HCN1: variants seen among roughly 807,000 people sequenced by gnomAD.
HCN1 encodes potassium/sodium hyperpolarization-activated cyclic nucleotide-gated channel 1.
A neutral mutation model predicts 78.9 loss-of-function variants in HCN1; 13 were observed. That is an observed-to-expected ratio of 0.16 (90% CI 0.11 to 0.26). HCN1 has a LOEUF of 0.26. Ranked by LOEUF, HCN1 falls within the 10% of genes least tolerant of loss-of-function variation. The probability of loss-of-function intolerance (pLI) is 1.00; values close to 1 mark genes in which losing one functional copy is unlikely to be tolerated. For synonymous variants in HCN1, 552 were observed against 455.5 expected (o/e 1.21, Z -2.70); for missense variants, 810 against 1,154.3 (o/e 0.70, Z 4.32).
chr5:45,615,138 T>C (rs959918192), intron 2 of HCN1, among the ~76,000 whole-genome samples: 14 of 152,042 alleles, frequency 9.2e-5, no homozygotes, highest in Admixed American at 9.2e-4. Flanking sequence ...CTAAGCAAGA[T>C]GATATAAATA....
At chr5:45,512,453 T>C (rs1200692533) in intron 2 of HCN1, among the ~76,000 whole-genome samples, 1 of 152,118 alleles carries the variant, frequency 6.6e-6, no homozygotes, top group East Asian at 1.9e-4. Flanking sequence ...AGGGCTACTT[T>C]CCAGACCTAA....
chr5:45,404,182 AC>A (rs759703281), intron 3 of HCN1, among the ~76,000 whole-genome samples: 43 of 152,284 alleles, frequency 2.8e-4, no homozygotes, highest in South Asian at 1.2e-3. Flanking sequence ...TTCTTGTGTT[AC>A]ATGGCTATTC....
chr5:45,348,033 T>C lies in HCN1; in HGVS notation c.1377+5067A>G, dbSNP rs962447588. Among the ~76,000 whole-genome samples the C allele has an allele frequency of 3.9e-5, 6 of 152,116 alleles. No homozygotes were observed. The East Asian group carries it at 7.7e-4, about 20-fold the overall frequency. ...CAGAGAACGCCACAAAGATACTCCT[T>C]GAGAAGAGCAACTCCAAGACACATA... On this transcript the variant is annotated intron_variant, in intron 5 of 7. Coordinates refer to ENST00000303230, the MANE Select transcript of HCN1 (RefSeq NM_021072.4).
intron 2 of HCN1, among the ~76,000 whole-genome samples, chr5:45,574,121 C>A (rs1340954307): frequency 1.3e-5 from 2 of 151,974 alleles, no homozygotes; most frequent in African/African-American, 4.8e-5. Context: ...TGCTATATAG[C>A]TATTAAATTT....
intron 5 of HCN1, among the ~76,000 whole-genome samples, chr5:45,337,222 T>C (rs1042795789): frequency 1.3e-5 from 2 of 151,910 alleles, no homozygotes; most frequent in African/African-American, 4.8e-5. Context: ...TTTAAAGTTA[T>C]AAAGTATTTT....
At chr5:45,461,820 A>G in intron 3 of HCN1, 26 bp downstream of exon 3, 1 of 1,598,074 alleles carries the variant, frequency 6.3e-7, no homozygotes, top group Non-Finnish European at 8.6e-7. Flanking sequence ...GAAAAGTCAG[A>G]GTGTAAAATA....
At chr5:45,613,232 C>G (rs1469776685) in intron 2 of HCN1, among the ~76,000 whole-genome samples, 1 of 147,548 alleles carries the variant, frequency 6.8e-6, no homozygotes, top group African/African-American at 2.5e-5. Flanking sequence ...TCAATTCCCA[C>G]CTATGAGTGA....
At chr5:45,562,049 C>T (rs997258638) in intron 2 of HCN1, among the ~76,000 whole-genome samples, 8 of 152,002 alleles carry the variant, frequency 5.3e-5, no homozygotes, top group African/African-American at 1.2e-4. Flanking sequence ...AACTGGAGGG[C>T]GGTCATGGGA....
intron 3 of HCN1, among the ~76,000 whole-genome samples, chr5:45,444,914 C>T (rs1371637137): frequency 6.6e-6 from 1 of 151,960 alleles, no homozygotes. Context: ...CCAAGATGGC[C>T]GAATAGGAAC....
At chr5:45,272,797 A>G (rs1046106106) in intron 6 of HCN1, among the ~76,000 whole-genome samples, 2 of 152,042 alleles carry the variant, frequency 1.3e-5, no homozygotes, top group Admixed American at 1.3e-4. Context: ...CAGGAAGAAA[A>G]TTAACCTGCT....
At chr5:45,385,765 A>G (rs1300140454) in intron 4 of HCN1, among the ~76,000 whole-genome samples, 1 of 152,218 alleles carries the variant, frequency 6.6e-6, no homozygotes, top group Non-Finnish European at 1.5e-5. Context: ...GTGAATTGGC[A>G]AATAAAATTC....
intron 2 of HCN1, among the ~76,000 whole-genome samples, chr5:45,567,558 TACACACACACACACACACACACACAC>T (rs36230541): frequency 3.8e-5 from 5 of 132,926 alleles, no homozygotes; most frequent in East Asian, 2.3e-4. Flanking sequence ...CATTTTAGGC[TACACACACACACACACACACACACAC>T]ACACACACAC....
At chr5:45,464,359 A>G (rs2111633276) in intron 2 of HCN1, among the ~76,000 whole-genome samples, 1 of 152,230 alleles carries the variant, frequency 6.6e-6, no homozygotes, top group African/African-American at 2.4e-5. Flanking sequence ...CTGCTACCAA[A>G]TAGTCATTCC....
chr5:45,403,332 A>G (rs573850020), intron 3 of HCN1, among the ~76,000 whole-genome samples: 1 of 152,292 alleles, frequency 6.6e-6, no homozygotes, highest in African/African-American at 2.4e-5. Context: ...AAGGGCTTGT[A>G]TTAGTCCATT....
intron 5 of HCN1, among the ~76,000 whole-genome samples, chr5:45,350,256 A>G (rs1185938160): frequency 6.6e-6 from 1 of 152,216 alleles, no homozygotes. Context: ...GCAAATAAAC[A>G]GAACCAAAGA....
intron 3 of HCN1, among the ~76,000 whole-genome samples, chr5:45,410,738 A>C (rs565610498): frequency 6.6e-6 from 1 of 152,198 alleles, no homozygotes; most frequent in African/African-American, 2.4e-5. Flanking sequence ...CTGCTGTGTA[A>C]GCCTGTGTAA....
chr5:45,440,453 A>G (rs1740647914), intron 3 of HCN1, among the ~76,000 whole-genome samples: 1 of 152,084 alleles, frequency 6.6e-6, no homozygotes, highest in Non-Finnish European at 1.5e-5. Context: ...TAACCAAGAA[A>G]CTCATGCCCC....
intron 2 of HCN1, among the ~76,000 whole-genome samples, chr5:45,509,366 A>G (rs562683640): frequency 9.9e-5 from 15 of 152,238 alleles, no homozygotes; most frequent in African/African-American, 2.6e-4. Context: ...ACATTTAACT[A>G]TATATGCTCA....
At chr5:45,549,740 T>C (rs1373406988) in intron 2 of HCN1, among the ~76,000 whole-genome samples, 1 of 152,022 alleles carries the variant, frequency 6.6e-6, no homozygotes, top group African/African-American at 2.4e-5. Flanking sequence ...ATTTTTGCAA[T>C]CTACTCATCT....
Sources: allele counts gnomAD v4.1 joint callset (sites outside exome capture counted in the v4.1 genomes callset), GRCh38; gene constraint gnomAD v4.1.1; transcripts MANE v1.5; gene names NCBI Gene and HGNC (gene_info 2026-07-23, HGNC 2026-07-21).